The following MINDY3 variants were observed in gnomAD, a reference collection of about 807,000 sequenced individuals.
The protein encoded by MINDY3 is ubiquitin carboxyl-terminal hydrolase MINDY-3.
MINDY3 carries 38 observed loss-of-function variants against 69.2 expected under a neutral mutation model. The ratio of observed to expected loss-of-function variants is 0.55; its 90% CI spans 0.42 to 0.72. The LOEUF is 0.72. Ranked by LOEUF, MINDY3 falls within the 30% of genes least tolerant of loss-of-function variation. The probability of loss-of-function intolerance (pLI) is 0.00; values close to 1 mark genes in which losing one functional copy is unlikely to be tolerated. For synonymous variants in MINDY3, 192 were observed against 180.1 expected (o/e 1.07, Z -0.53); for missense variants, 522 against 519.0 (o/e 1.01, Z -0.06).
chr10:15,795,687 G>C (rs1013112619), intron 11 of MINDY3, among the ~76,000 whole-genome samples: 2 of 152,060 alleles, frequency 1.3e-5, no homozygotes, highest in African/African-American at 4.8e-5. Context: ...GCTCCAAAGT[G>C]AATGATTCAG....
chr10:15,810,881 C>T (rs779450191), intron 10 of MINDY3, among the ~76,000 whole-genome samples: 2 of 151,926 alleles, frequency 1.3e-5, no homozygotes, highest in African/African-American at 2.4e-5. Context: ...AAAAAACAGG[C>T]GAAGGACCTG....
At chr10:15,830,379 C>T (rs1049771642) in intron 8 of MINDY3, among the ~76,000 whole-genome samples, 3 of 152,140 alleles carry the variant, frequency 2.0e-5, no homozygotes, top group South Asian at 2.1e-4. Flanking sequence ...TAATCATTCC[C>T]GTTGGAGGAT....
At chr10:15,835,534 G>C (rs1305358369) in intron 6 of MINDY3, among the ~76,000 whole-genome samples, 1 of 152,058 alleles carries the variant, frequency 6.6e-6, no homozygotes, top group African/African-American at 2.4e-5. Flanking sequence ...CTATCAACAA[G>C]TGACACAATC....
At chr10:15,829,868 G>A (rs568771663) in intron 8 of MINDY3, among the ~76,000 whole-genome samples, 35 of 152,128 alleles carry the variant, frequency 2.3e-4, no homozygotes, top group African/African-American at 7.7e-4. Context: ...TAAGAAAACC[G>A]AGGCTCAGAT....
At chr10:15,795,235 T>C (rs1837724046) in intron 11 of MINDY3, among the ~76,000 whole-genome samples, 1 of 152,050 alleles carries the variant, frequency 6.6e-6, no homozygotes, top group African/African-American at 2.4e-5. Context: ...CTAAGACTGA[T>C]ACCTAAGAAA....
rs1223507033 is a variant in MINDY3 at position 15,837,240 on chromosome 10, T to A, written c.540A>T (p.Gly180=). Residue 180 remains glycine, a synonymous_variant, in exon 6 of 15, where the codon GGA becomes GGT. Coordinates refer to ENST00000277632, the MANE Select transcript of MINDY3 (RefSeq NM_024948.4). ...ATACAGAATACAGAAAAAGCAATAC[T>A]CCAAATTTATTTCCCCACATTGAAT... ...DQYSMWGNKF[G]VLLFLYSVLL... 1.9e-6 allele frequency: 3 copies of A among 1,606,612 alleles called. No homozygotes were observed. Among genetic ancestry groups the A allele is most frequent in the Non-Finnish European group, 2.6e-6 (3 of 1,175,762 alleles).
At chr10:15,786,716 T>A in intron 12 of MINDY3, 68 bp from the exon 13 acceptor site, 1 of 909,894 alleles carries the variant, frequency 1.1e-6, no homozygotes, top group Non-Finnish European at 1.8e-6. Context: ...CTTTCATGAT[T>A]AAATTACTGG....
chr10:15,843,864 A>G (rs12257572), intron 2 of MINDY3, among the ~76,000 whole-genome samples: 1 of 152,014 alleles, frequency 6.6e-6, no homozygotes, highest in Non-Finnish European at 1.5e-5. Flanking sequence ...TGAAGTGTCT[A>G]CTTCTCAAAG....
At position 15,860,288 on chromosome 10, in the gene MINDY3, C is replaced by A; in HGVS notation, c.12G>T (p.Leu4=). ...ACACCAGCTCCATCAGCTCTTTAGT[C>A]AGTTCGGACATGATGAGGAACCGGC... MSE[L]TKELMELVWG... The change falls in exon 1 of 15, where the codon CTG becomes CTT. Residue 4 remains leucine (L), a synonymous_variant. Transcript: ENST00000277632. The A allele has an allele frequency of 6.2e-7, 1 of 1,605,400 alleles. No individual in the cohort carries two copies. The highest frequency in any genetic ancestry group is 1.7e-5 in the Admixed American group (1 of 58,780).
rs528121849 is a variant in MINDY3 at position 15,789,763 on chromosome 10, C to A, written c.956-444G>T. On this transcript the variant is annotated intron_variant, in intron 11 of 14. Transcript: ENST00000277632. Reference sequence around the variant, plus strand: ...AGTTTCTTGAAGGAATGTCAGTGATCCACTGATACTTAGACAACTGACAGA... The same window carrying A: ...AGTTTCTTGAAGGAATGTCAGTGATACACTGATACTTAGACAACTGACAGA... 8.5e-5 allele frequency among the ~76,000 whole-genome samples: 13 copies of A among 152,138 alleles called. No individual in the cohort carries two copies. In the South Asian group the frequency reaches 2.7e-3, roughly 32 times the overall value.
chr10:15,841,745 T>C, intron 3 of MINDY3, 146 bp from the exon 4 acceptor site: 1 of 522,620 alleles, frequency 1.9e-6, no homozygotes, highest in Non-Finnish European at 3.3e-6. Context: ...TTTTAAATTA[T>C]GTCTTAGAAA....
At chr10:15,810,154 C>T (rs889079934) in intron 10 of MINDY3, among the ~76,000 whole-genome samples, 5 of 152,044 alleles carry the variant, frequency 3.3e-5, no homozygotes, top group Non-Finnish European at 7.4e-5. Context: ...CTGGATATAT[C>T]AAATATAAAG....
chr10:15,816,686 T>C (rs1839393199), intron 10 of MINDY3, 149 bp downstream of exon 10: 1 of 618,642 alleles, frequency 1.6e-6, no homozygotes, highest in Non-Finnish European at 2.9e-6. Flanking sequence ...AAACAGTATG[T>C]TCTTCAGTAT....
chr10:15,856,976 C>A (rs1412824675), intron 1 of MINDY3, among the ~76,000 whole-genome samples: 2 of 152,122 alleles, frequency 1.3e-5, no homozygotes, highest in Admixed American at 6.5e-5. Flanking sequence ...TCAAACACAG[C>A]AGGCAGATCA....
intron 11 of MINDY3, among the ~76,000 whole-genome samples, chr10:15,791,670 G>A (rs1166774211): frequency 6.6e-6 from 1 of 152,094 alleles, no homozygotes; most frequent in South Asian, 2.1e-4. Context: ...ATTTTTACCA[G>A]TTGAATATCC....
chr10:15,824,188 T>C (rs2132015332), intron 8 of MINDY3, among the ~76,000 whole-genome samples: 1 of 152,298 alleles, frequency 6.6e-6, no homozygotes, highest in East Asian at 1.9e-4. Context: ...TTTTTAGTTT[T>C]TTGAGAAATC....
At chr10:15,784,789 G>A (rs1836824699) in intron 13 of MINDY3, among the ~76,000 whole-genome samples, 2 of 152,152 alleles carry the variant, frequency 1.3e-5, no homozygotes, top group Non-Finnish European at 2.9e-5. Flanking sequence ...TTAGGGACAA[G>A]GCAGTATGTG....
intron 10 of MINDY3, among the ~76,000 whole-genome samples, chr10:15,801,623 C>T (rs1158573877): frequency 1.3e-5 from 2 of 152,004 alleles, no homozygotes; most frequent in African/African-American, 4.8e-5. Flanking sequence ...CCTTGAGGCT[C>T]ATTACACACA....
chr10:15,805,808 G>A (rs1257676436), intron 10 of MINDY3, among the ~76,000 whole-genome samples: 1 of 152,080 alleles, frequency 6.6e-6, no homozygotes, highest in African/African-American at 2.4e-5. Flanking sequence ...TACTCCTTCA[G>A]CCCAGATCTT....
Sources: allele counts gnomAD v4.1 joint callset (sites outside exome capture counted in the v4.1 genomes callset), GRCh38; gene constraint gnomAD v4.1.1; transcripts MANE v1.5; gene names NCBI Gene and HGNC (gene_info 2026-07-23, HGNC 2026-07-21).